RALYL: variants seen among roughly 807,000 people sequenced by gnomAD.
RALYL encodes RALY RNA binding protein like, also known as RNA-binding Raly-like protein.
In RALYL, 29 loss-of-function variants were observed where a neutral mutation model predicts 35.1. The observed-to-expected ratio is 0.83, with a 90% CI of 0.61 to 1.13. RALYL has a LOEUF of 1.13. Ranked by LOEUF, RALYL falls within the 50% of genes most tolerant of loss-of-function variation. RALYL has a pLI of 0.00. For synonymous variants in RALYL, 120 were observed against 127.6 expected (o/e 0.94, Z 0.40); for missense variants, 359 against 360.4 (o/e 1.00, Z 0.03).
chr8:84,906,002 A>G (rs1278809775), intron 8 of RALYL, among the ~76,000 whole-genome samples: 4 of 152,152 alleles, frequency 2.6e-5, no homozygotes, highest in Non-Finnish European at 5.9e-5. Flanking sequence ...AGAAACATCC[A>G]GCAATTCATT....
At chr8:84,840,544 C>T (rs1040751276) in intron 4 of RALYL, among the ~76,000 whole-genome samples, 1 of 152,214 alleles carries the variant, frequency 6.6e-6, no homozygotes, top group African/African-American at 2.4e-5. Flanking sequence ...AAACACTCTG[C>T]AGGATATTAT....
intron 2 of RALYL, among the ~76,000 whole-genome samples, chr8:84,745,929 A>G (rs1687933621): frequency 1.3e-5 from 2 of 152,006 alleles, no homozygotes; most frequent in African/African-American, 4.8e-5. Context: ...GATTGATGCA[A>G]GCAATAGGCA....
chr8:84,633,423 C>T (rs1824359373), intron 2 of RALYL, among the ~76,000 whole-genome samples: 2 of 151,794 alleles, frequency 1.3e-5, no homozygotes, highest in South Asian at 4.2e-4. Flanking sequence ...TAGAAAAAGG[C>T]TGTCCCAATA....
At chr8:84,830,029 GC>G (rs1830559391) in intron 4 of RALYL, among the ~76,000 whole-genome samples, 1 of 102,054 alleles carries the variant, frequency 9.8e-6, no homozygotes. Context: ...GGGGGGGGGG[GC>G]ATTTTAAGCT....
intron 1 of RALYL, among the ~76,000 whole-genome samples, chr8:84,306,077 T>A (rs993991276): frequency 1.3e-5 from 2 of 151,318 alleles, no homozygotes; most frequent in East Asian, 3.9e-4. Flanking sequence ...GGCAGGAGAA[T>A]GGCGTGAACC....
chr8:84,674,925 T>G (rs1189213602), intron 2 of RALYL, among the ~76,000 whole-genome samples: 1 of 152,048 alleles, frequency 6.6e-6, no homozygotes, highest in Non-Finnish European at 1.5e-5. Flanking sequence ...TTATTCTTAC[T>G]TATGTTTATT....
intron 1 of RALYL, among the ~76,000 whole-genome samples, chr8:84,484,513 A>G (rs2054395895): frequency 6.6e-6 from 1 of 152,084 alleles, no homozygotes; most frequent in Admixed American, 6.6e-5. Context: ...GAAGGTGTGA[A>G]ATGTCAGGGT....
intron 1 of RALYL, among the ~76,000 whole-genome samples, chr8:84,269,767 C>T (rs1040164560): frequency 6.6e-6 from 1 of 151,614 alleles, no homozygotes; most frequent in South Asian, 2.1e-4. Flanking sequence ...ATAAATATTT[C>T]CTAGGAGAAA....
rs118113108 is a variant in RALYL at position 84,885,751 on chromosome 8, C to T, written c.686-1853C>T. The stretch of plus-strand genomic sequence containing the variant: ...TTGATCTACCAGCTCTTTTTCTCCT[C>T]TGAAACACAGCCTCAGCCCCATGAG... On this transcript the variant is annotated intron_variant, in intron 7 of 8. Coordinates refer to ENST00000521268, the MANE Select transcript of RALYL (RefSeq NM_173848.7). Among the ~76,000 whole-genome samples, 1,037 of 152,232 alleles carry T rather than the reference C, an allele frequency of 6.8e-3. 2 individuals carry two copies. The highest frequency in any genetic ancestry group is 0.01 in the Non-Finnish European group (703 of 67,994).
intron 4 of RALYL, among the ~76,000 whole-genome samples, chr8:84,827,544 C>T (rs981558757): frequency 2.0e-5 from 3 of 152,024 alleles, no homozygotes; most frequent in African/African-American, 7.2e-5. Context: ...AGTAAAGTAT[C>T]TAATTCTGAC....
At chr8:84,198,475 TC>T (rs1172341813) in intron 1 of RALYL, among the ~76,000 whole-genome samples, 1 of 150,808 alleles carries the variant, frequency 6.6e-6, no homozygotes, top group Non-Finnish European at 1.5e-5. Context: ...AAATGTGATA[TC>T]CATCCCCTCA....
intron 1 of RALYL, among the ~76,000 whole-genome samples, chr8:84,504,967 A>G (rs192766915): frequency 6.6e-4 from 100 of 152,240 alleles, no homozygotes; most frequent in African/African-American, 1.9e-3. Flanking sequence ...TAAGTCACCA[A>G]TGGGGAAGAA....
intron 1 of RALYL, among the ~76,000 whole-genome samples, chr8:84,197,678 G>C (rs184921476): frequency 6.6e-6 from 1 of 151,326 alleles, no homozygotes; most frequent in African/African-American, 2.4e-5. Context: ...CCTGTAATCC[G>C]AGCTCTCAGG....
chr8:84,328,995 T>C (rs903612113), intron 1 of RALYL, among the ~76,000 whole-genome samples: 1 of 152,220 alleles, frequency 6.6e-6, no homozygotes, highest in African/African-American at 2.4e-5. Flanking sequence ...ATTTTATTTA[T>C]CCAGTCTACC....
chr8:84,444,376 A>G (rs1026587286), intron 1 of RALYL, among the ~76,000 whole-genome samples: 2 of 152,032 alleles, frequency 1.3e-5, no homozygotes, highest in Admixed American at 1.3e-4. Flanking sequence ...AAAAAACACC[A>G]CACACACCCA....
chr8:84,520,303 G>A (rs2058365389), intron 1 of RALYL, among the ~76,000 whole-genome samples: 1 of 152,160 alleles, frequency 6.6e-6, no homozygotes, highest in African/African-American at 2.4e-5. Context: ...ATTATCACAT[G>A]TGCTACATTT....
chr8:84,201,729 A>T (rs1816892524), intron 1 of RALYL, among the ~76,000 whole-genome samples: 1 of 151,662 alleles, frequency 6.6e-6, no homozygotes, highest in Non-Finnish European at 1.5e-5. Flanking sequence ...TGACCAGCTG[A>T]TTTTTTATCT....
chr8:84,619,649 G>T (rs1820798571), intron 2 of RALYL, among the ~76,000 whole-genome samples: 1 of 149,652 alleles, frequency 6.7e-6, no homozygotes, highest in African/African-American at 2.5e-5. Context: ...ATGTTAGCTG[G>T]TTATTTTGCT....
rs2047854535 is a variant in RALYL, at chr8:84,437,391, T to C, written c.-23-91908T>C. Among the ~76,000 whole-genome samples the C allele has an allele frequency of 2.0e-5, 3 of 152,186 alleles. No homozygotes were observed. The South Asian group carries it at 6.2e-4, about 31-fold the overall frequency. ...GATATCTACCCAGTAAAGGGATTGC[T>C]AGGTTGAATGGTAGTCCTAAGATCT... On this transcript the variant is annotated intron_variant, in intron 1 of 8. Coordinates refer to ENST00000521268, the MANE Select transcript of RALYL (RefSeq NM_173848.7).
Sources: gnomAD v4.1 joint callset for allele counts (sites outside exome capture counted in the v4.1 genomes callset) on GRCh38, gnomAD v4.1.1 for gene constraint, MANE v1.5 for transcripts, NCBI Gene and HGNC (gene_info 2026-07-23, HGNC 2026-07-21) for gene names.